The following MACROH2A1 variants were observed in gnomAD, a reference collection of about 807,000 sequenced individuals.
The protein encoded by MACROH2A1 is core histone macro-H2A.1.
Under a neutral mutation model 31.6 loss-of-function variants are expected in MACROH2A1, and 2 were observed. That is an observed-to-expected ratio of 0.06 (90% CI 0.03 to 0.20). MACROH2A1 has a LOEUF of 0.20. MACROH2A1 is among the 10% of genes least tolerant of loss of function. MACROH2A1 has a pLI of 1.00. For missense variants in MACROH2A1, 230 were observed against 474.0 expected (o/e 0.49, Z 4.78); for synonymous variants, 169 against 189.6 (o/e 0.89, Z 0.89).
At chr5:135,339,187 T>A (rs1759345735) in intron 8 of MACROH2A1, among the ~76,000 whole-genome samples, 1 of 152,216 alleles carries the variant, frequency 6.6e-6, no homozygotes. Context: ...TCCAGTTGTG[T>A]CTGTAATGCC....
At chr5:135,379,234 C>T (rs565509240) in intron 2 of MACROH2A1, among the ~76,000 whole-genome samples, 6 of 152,310 alleles carry the variant, frequency 3.9e-5, no homozygotes, top group South Asian at 2.1e-4. Context: ...ATGTCAACCC[C>T]GTGAGAGGGT....
In MACROH2A1 at chr5:135,372,544, C is replaced by A. The variant is rs572448800; in HGVS notation, c.173-2402G>T. On this transcript the variant is annotated intron_variant, in intron 2 of 8. Transcript: ENST00000511689. ...CAGTGATGGGCCCACCTTGGCCAAG[C>A]CAAAAAGGTGCCTGTGATGCCTATG... is the stretch of plus-strand genomic sequence containing the variant. 1.5e-3 allele frequency among the ~76,000 whole-genome samples: 228 copies of A among 152,348 alleles called. 2 individuals carry two copies. Among genetic ancestry groups the A allele is most frequent in the Non-Finnish European group, 2.3e-3 (154 of 68,038 alleles).
chr5:135,369,982 T>G lies in MACROH2A1; in HGVS notation c.279+54A>C. The G allele has an allele frequency of 8.7e-7, 1 of 1,154,712 alleles. No homozygotes were observed. The highest frequency in any genetic ancestry group is 2.4e-5 in the East Asian group (1 of 42,164). 71.5% of individuals were successfully genotyped at this position (1,154,712 alleles called of 1,614,324 possible). On this transcript the variant is annotated intron_variant, in intron 3 of 8. Transcript: ENST00000511689. The surrounding 1 kb of genome is among the most constrained non-coding windows in gnomAD (Gnocchi z 4.3). The stretch of plus-strand genomic sequence containing the variant: ...ACCAAAGCCTCTCAGCTATGTTTCT[T>G]GGGCAGTATGACCACCTGCTCAAAC...
chr5:135,378,409 C>T (rs1201358965), intron 2 of MACROH2A1, among the ~76,000 whole-genome samples: 3 of 152,232 alleles, frequency 2.0e-5, no homozygotes, highest in Non-Finnish European at 2.9e-5. Flanking sequence ...GCTGCCTATC[C>T]TTCAAGGCCT....
chr5:135,336,746 G>A (rs1716857354), intron 8 of MACROH2A1, among the ~76,000 whole-genome samples: 1 of 152,204 alleles, frequency 6.6e-6, no homozygotes, highest in Non-Finnish European at 1.5e-5. Context: ...GCTGTTTGCA[G>A]ATCTGAAATC....
At chr5:135,349,378 T>C (rs1193344738) in intron 6 of MACROH2A1, among the ~76,000 whole-genome samples, 1 of 152,178 alleles carries the variant, frequency 6.6e-6, no homozygotes, top group Non-Finnish European at 1.5e-5. Context: ...TGGAGCTCTT[T>C]AACTCCTCCA....
intron 8 of MACROH2A1, among the ~76,000 whole-genome samples, chr5:135,341,910 T>G (rs1423154245): frequency 6.6e-6 from 1 of 152,178 alleles, no homozygotes; most frequent in Non-Finnish European, 1.5e-5. Context: ...CCTTGGGTGC[T>G]GGGAGGGGCT....
chr5:135,397,489 C>G (rs1404039515), intron 1 of MACROH2A1, among the ~76,000 whole-genome samples: 2 of 152,200 alleles, frequency 1.3e-5, no homozygotes, highest in Admixed American at 1.3e-4. Flanking sequence ...CTCTTAATGC[C>G]TTATCTAGGG....
At chr5:135,359,918 T>TG in intron 5 of MACROH2A1, 1 of 985,060 alleles carries the variant, frequency 1.0e-6, no homozygotes, top group Non-Finnish European at 1.2e-6. Context: ...CATGGCGTCC[T>TG]GGCAAAGTTG....
chr5:135,341,267 TCA>T (rs1759803929), intron 8 of MACROH2A1, among the ~76,000 whole-genome samples: 1 of 152,046 alleles, frequency 6.6e-6, no homozygotes, highest in African/African-American at 2.4e-5. Context: ...TAACCAAAGG[TCA>T]CACAGGATAG....
At position 135,389,634 on chromosome 5, in the gene MACROH2A1, C is replaced by A. The variant is rs144773149; in HGVS notation, c.-33-508G>T. On this transcript the variant is annotated intron_variant, in intron 1 of 8. Coordinates refer to ENST00000511689, the MANE Select transcript of MACROH2A1 (RefSeq NM_138610.3). ...GTCAGTACAGTGTATAGTCAGGTTG[C>A]AGTAAGAGGCCCTCTGAGCACTTCT... 2.1e-3 allele frequency among the ~76,000 whole-genome samples: 319 copies of A among 152,278 alleles called. 2 individuals carry two copies. The highest frequency in any genetic ancestry group is 7.2e-3 in the African/African-American group (301 of 41,558).
Position 135,369,729 on chromosome 5 carries a change from A to G in MACROH2A1, c.280-126T>C, listed in dbSNP as rs922601318. 2.0e-5 allele frequency: 14 copies of G among 702,224 alleles called. No individual in the cohort carries two copies. Among genetic ancestry groups the G allele is most frequent in the Non-Finnish European group, 3.4e-5 (14 of 410,136 alleles). The allele number at this position is 702,224 out of a possible 1,614,324, so 43.5% of individuals were successfully genotyped here. A position where few individuals can be genotyped will look rare whatever the true frequency, so the allele number is the denominator to read the frequency against. On this transcript the variant is annotated intron_variant, in intron 3 of 8. Transcript: ENST00000511689. The surrounding 1 kb of genome is among the most constrained non-coding windows in gnomAD (Gnocchi z 4.3). Reference sequence around the variant, plus strand: ...AGCTCCTTCCTCCATGGCATCCTCCATGAGGATGCTGCCAGGACTCAAGCT... The same window carrying G: ...AGCTCCTTCCTCCATGGCATCCTCCGTGAGGATGCTGCCAGGACTCAAGCT...
chr5:135,348,445 G>T (rs1761129763), intron 6 of MACROH2A1, among the ~76,000 whole-genome samples: 1 of 152,254 alleles, frequency 6.6e-6, no homozygotes, highest in Non-Finnish European at 1.5e-5. Flanking sequence ...GTCAGGCTAG[G>T]CCTGTGGTCT....
At chr5:135,355,667 G>A (rs1762091453) in intron 5 of MACROH2A1, 1 of 204,606 alleles carries the variant, frequency 4.9e-6, no homozygotes, top group African/African-American at 2.3e-5. Context: ...AGCTTGGCAG[G>A]TGGGCCAGTG....
chr5:135,398,742 A>C lies in MACROH2A1; in HGVS notation c.-34+320T>G, dbSNP rs2150013558. 6.6e-6 allele frequency among the ~76,000 whole-genome samples: 1 copy of C among 152,312 alleles called. No homozygotes were observed. The highest frequency in any genetic ancestry group is 6.5e-5 in the Admixed American group (1 of 15,314). On this transcript the variant is annotated intron_variant, in intron 1 of 8. Coordinates refer to ENST00000511689, the MANE Select transcript of MACROH2A1 (RefSeq NM_138610.3). This position sits in a 1 kb window ranked among gnomAD's most constrained non-coding sequence, Gnocchi z 4.6. ...CCTGGCCCGTGAGCCCGCCCCAGGA[A>C]GGGTCGCCAGGGTAGGCGCCAGCAC...
At chr5:135,343,826 C>G (rs1410377147) in intron 7 of MACROH2A1, 1 of 256,020 alleles carries the variant, frequency 3.9e-6, no homozygotes, top group Non-Finnish European at 7.6e-6. Context: ...TTCTTCAAGT[C>G]GACTGGTGTG....
intron 4 of MACROH2A1, among the ~76,000 whole-genome samples, chr5:135,365,643 A>T (rs572932832): frequency 6.6e-6 from 1 of 152,292 alleles, no homozygotes; most frequent in Non-Finnish European, 1.5e-5. Flanking sequence ...TTCATTTTTT[A>T]AAAACTCAGT....
intron 1 of MACROH2A1, among the ~76,000 whole-genome samples, chr5:135,390,857 A>G (rs943924982): frequency 5.9e-5 from 9 of 152,196 alleles, no homozygotes; most frequent in African/African-American, 2.2e-4. Flanking sequence ...GGCTGTGAGG[A>G]CAGAAAACAG....
intron 2 of MACROH2A1, among the ~76,000 whole-genome samples, chr5:135,372,378 C>T (rs1297647937): frequency 2.0e-5 from 3 of 152,228 alleles, no homozygotes; most frequent in Admixed American, 6.5e-5. Context: ...CCCACTTTCA[C>T]CCATCAGTCT....
Sources: allele counts gnomAD v4.1 joint callset (sites outside exome capture counted in the v4.1 genomes callset), GRCh38; gene constraint gnomAD v4.1.1; non-coding constraint Gnocchi (gnomAD v3.1); transcripts MANE v1.5; gene names NCBI Gene and HGNC (gene_info 2026-07-23, HGNC 2026-07-21).